Variants in SULT1C2 observed in about 807,000 individuals in gnomAD.
SULT1C2 encodes sulfotransferase family 1C member 2, also known as sulfotransferase 1C2.
Under a neutral mutation model 36.0 loss-of-function variants are expected in SULT1C2, and 27 were observed. The observed-to-expected ratio is 0.75, with a 90% CI of 0.55 to 1.03. SULT1C2 has a LOEUF of 1.03. Among genes scored for constraint, SULT1C2 ranks in the 50% least tolerant of loss-of-function variants. The pLI is 0.00. For missense variants in SULT1C2, 395 were observed against 359.2 expected (o/e 1.10, Z -0.80); for synonymous variants, 121 against 116.0 (o/e 1.04, Z -0.27).
Position 108,293,715 on chromosome 2 carries a change from G to A in SULT1C2, c.48G>A (p.Val16=). Residue 16 remains valine, a synonymous_variant, in exon 2 of 8, where the codon GTG becomes GTA. Transcript: ENST00000251481. The part of the protein sequence containing the change: ...DLGKQIKLKE[V]EGTLLQPATV... ...GGAAACAGATAAAACTGAAAGAGGTGGAGGGGACCCTCCTGCAGCCTGCAA... is the reference window on the plus strand; with the variant it reads ...GGAAACAGATAAAACTGAAAGAGGTAGAGGGGACCCTCCTGCAGCCTGCAA... 1 of 1,614,114 alleles carries A rather than the reference G, an allele frequency of 6.2e-7. No individual in the cohort carries two copies. The highest frequency in any genetic ancestry group is 8.5e-7 in the Non-Finnish European group (1 of 1,180,004).
chr2:108,309,504 T>C lies in SULT1C2; in HGVS notation c.*1040T>C, dbSNP rs1175290354. The C allele has an allele frequency of 3.9e-5, 6 of 152,196 alleles. No individual in the cohort carries two copies. The highest frequency in any genetic ancestry group is 2.0e-4 in the Admixed American group (3 of 15,278). The allele number at this position is 152,196 out of a possible 1,614,324, so 9.4% of individuals were successfully genotyped here. A position where few individuals can be genotyped will look rare whatever the true frequency, so the allele number is the denominator to read the frequency against. On this transcript the variant is annotated 3_prime_UTR_variant, in exon 8 of 8. Transcript: ENST00000251481. The stretch of plus-strand genomic sequence containing the variant: ...ATTTTGAACTTTGACCCTTTTCTTT[T>C]AGTCCCAAATAGTGGCATTCCATAG...
Position 108,308,358 on chromosome 2 carries a change from T to C in SULT1C2, c.785T>C (p.Val262Ala). The part of the protein sequence containing the change: ...SISSFMRKGT[V>A]GDWKNHFTVA... ...CTGGCCTTCCTTTTTCTAGGAACTGTGGGGGATTGGAAAAACCACTTCACT... is the reference window on the plus strand; with the variant it reads ...CTGGCCTTCCTTTTTCTAGGAACTGCGGGGGATTGGAAAAACCACTTCACT... Residue 262 changes from valine to alanine, a missense_variant, in exon 8 of 8, where the codon GTG (valine) becomes GCG (alanine). By Grantham distance (64) the Val-to-Ala change is moderately conservative. Transcript: ENST00000251481. The C allele has an allele frequency of 6.2e-7, 1 of 1,607,344 alleles. No homozygotes were observed. The highest frequency in any genetic ancestry group is 8.5e-7 in the Non-Finnish European group (1 of 1,178,280).
chr2:108,301,741 A>C (rs1676881330), intron 4 of SULT1C2: 1 of 152,260 alleles, frequency 6.6e-6, no homozygotes, highest in Non-Finnish European at 1.5e-5. Flanking sequence ...CCTGGCACAT[A>C]GAGGGCATTA....
At chr2:108,296,404 CCA>C (rs10554232) in intron 3 of SULT1C2, among the ~76,000 whole-genome samples, 30,951 of 151,918 alleles carry the variant, frequency 0.2, 3,761 homozygotes, top group Non-Finnish European at 0.28. Context: ...ATCTGCCCAG[CCA>C]CAGACAGCTG....
chr2:108,294,267 C>T lies in SULT1C2; in HGVS notation c.190C>T (p.Gln64Ter), dbSNP rs759926943. ...TCAGGAAATTGTGGATATGATTGAA[C>T]AGAATGGGGACGTGGAGAAGTGCCA... is the stretch of plus-strand genomic sequence containing the variant. ...WIQEIVDMIE[Q>*]NGDVEKCQRA... The change falls in exon 3 of 8, where the codon CAG becomes TAG. Residue 64 changes from glutamine (Q) to a stop codon, truncating the protein, a stop_gained. Transcript: ENST00000251481. LOFTEE classifies it high-confidence loss of function. 2.1e-5 allele frequency: 34 copies of T among 1,613,944 alleles called. No individual in the cohort carries two copies. The South Asian group carries it at 3.6e-4, about 17-fold the overall frequency.
chr2:108,304,642 C>T lies in SULT1C2; in HGVS notation c.444C>T (p.His148=), dbSNP rs757436133. Residue 148 remains histidine (H), a synonymous_variant, in exon 5 of 8, where the codon CAC becomes CAT. Coordinates refer to ENST00000251481, the MANE Select transcript of SULT1C2 (RefSeq NM_001056.4). ...ACTACCATTTCCAAAGGATGAACCA[C>T]ATGCTTCCTGACCCTGGTACCTGGG... ...VSYYHFQRMN[H]MLPDPGTWEE... 1.2e-6 allele frequency: 2 copies of T among 1,613,986 alleles called. No individual in the cohort carries two copies. The highest frequency in any genetic ancestry group is 3.3e-5 in the Admixed American group (2 of 59,966).
chr2:108,304,978 G>A (rs1013736155), intron 5 of SULT1C2, among the ~76,000 whole-genome samples, 194 bp from the exon 6 acceptor site: 1 of 152,182 alleles, frequency 6.6e-6, no homozygotes, highest in Non-Finnish European at 1.5e-5. Flanking sequence ...CTTTAGGGAC[G>A]ATGTTGGGGC....
intron 3 of SULT1C2, chr2:108,299,121 C>G (rs1477904423): frequency 6.6e-6 from 1 of 152,480 alleles, no homozygotes; most frequent in Admixed American, 6.5e-5. Context: ...GTCTCTGTTC[C>G]TAATCTGTGC....
intron 3 of SULT1C2, chr2:108,298,956 G>C (rs556876450): frequency 9.1e-5 from 14 of 154,282 alleles, no homozygotes; most frequent in South Asian, 1.9e-4. Context: ...TATGAAAACA[G>C]GATTGTGGTT....
intron 5 of SULT1C2, 137 bp downstream of exon 5, chr2:108,304,837 C>G (rs944510373): frequency 9.9e-6 from 12 of 1,214,694 alleles, no homozygotes; most frequent in Non-Finnish European, 1.4e-5. Flanking sequence ...CTGGGCAGAG[C>G]AAGCTGGCCA....
chr2:108,296,279 C>T (rs907155095), intron 3 of SULT1C2, among the ~76,000 whole-genome samples: 2 of 152,150 alleles, frequency 1.3e-5, no homozygotes, highest in African/African-American at 4.8e-5. Flanking sequence ...GCTGTAGAAT[C>T]CAGAGAAAGG....
In SULT1C2 at chr2:108,305,436, A is replaced by G; in HGVS notation, c.619A>G (p.Lys207Glu). The change falls in exon 7 of 8, where the codon AAG becomes GAG. Residue 207 changes from lysine to glutamate, a missense_variant. Lys to Glu is a moderately conservative substitution (Grantham distance 56). Transcript: ENST00000251481. ...GCAGGACCCAAAGCATGAAATTCGG[A>G]AGGTGATGCAGTTCATGGGAAAGAA... ...IKRDPKHEIR[K>E]VMQFMGKKVD... is the part of the protein sequence containing the mutation. 8 of 1,614,044 alleles carry G rather than the reference A, an allele frequency of 5.0e-6. No homozygotes were observed. Among genetic ancestry groups the G allele is most frequent in the Non-Finnish European group, 6.8e-6 (8 of 1,179,942 alleles).
At chr2:108,305,029 A>G (rs1676985756) in intron 5 of SULT1C2, 143 bp from the exon 6 acceptor site, 1 of 947,828 alleles carries the variant, frequency 1.1e-6, no homozygotes, top group African/African-American at 1.6e-5. Context: ...CACCCTCAAA[A>G]TCAAACAGAT....
At chr2:108,305,964 A>G (rs539817825) in intron 7 of SULT1C2, among the ~76,000 whole-genome samples, 2 of 152,322 alleles carry the variant, frequency 1.3e-5, no homozygotes, top group Admixed American at 6.5e-5. Context: ...AGCAGGAGGG[A>G]TGTGTCTTTG....
chr2:108,300,673 A>G (rs1676846736), intron 3 of SULT1C2, 165 bp from the exon 4 acceptor site: 1 of 1,251,116 alleles, frequency 8.0e-7, no homozygotes, highest in African/African-American at 1.5e-5. Context: ...TGATTTTACA[A>G]AAATGAAAAT....
chr2:108,302,824 G>A (rs991395276), intron 4 of SULT1C2: 1 of 152,122 alleles, frequency 6.6e-6, no homozygotes, highest in South Asian at 2.1e-4. Flanking sequence ...TAAAATCATG[G>A]AAATTAAAAA....
chr2:108,293,911 CTT>C, intron 2 of SULT1C2, 93 bp downstream of exon 2: 1 of 1,512,010 alleles, frequency 6.6e-7, no homozygotes, highest in Non-Finnish European at 8.8e-7. Context: ...AAACCTGCTC[CTT>C]CTTATTGTTC....
At chr2:108,302,755 GCTA>G (rs1676915317) in intron 4 of SULT1C2, 2 of 152,138 alleles carry the variant, frequency 1.3e-5, no homozygotes, top group African/African-American at 4.8e-5. Flanking sequence ...GAAATAAGAT[GCTA>G]CTTTTAGACA....
In SULT1C2 at chr2:108,304,666, G is replaced by C. The variant is rs775609971; in HGVS notation, c.468G>C (p.Trp156Cys). Reference sequence around the variant, plus strand: ...ACATGCTTCCTGACCCTGGTACCTGGGAAGAGTATTTTGAAACCTTCATCA... The same window carrying C: ...ACATGCTTCCTGACCCTGGTACCTGCGAAGAGTATTTTGAAACCTTCATCA... ...MNHMLPDPGT[W>C]EEYFETFING... The change falls in exon 5 of 8, where the codon TGG (tryptophan) becomes TGC (cysteine). Residue 156 changes from tryptophan (W) to cysteine (C), a missense_variant. Transcript: ENST00000251481. The C allele has an allele frequency of 3.1e-6, 5 of 1,613,736 alleles. No homozygotes were observed. The highest frequency in any genetic ancestry group is 4.2e-6 in the Non-Finnish European group (5 of 1,179,870).
Sources: allele counts gnomAD v4.1 joint callset (sites outside exome capture counted in the v4.1 genomes callset), GRCh38; gene constraint gnomAD v4.1.1; transcripts MANE v1.5; gene names NCBI Gene and HGNC (gene_info 2026-07-23, HGNC 2026-07-21).